Variants in DNAH10 observed in about 807,000 individuals in gnomAD.
The protein encoded by DNAH10 is dynein axonemal heavy chain 10, also known as axonemal beta dynein heavy chain 10.
A neutral mutation model predicts 506.6 loss-of-function variants in DNAH10; 348 were observed. That is an observed-to-expected ratio of 0.69 (90% CI 0.63 to 0.75). The LOEUF (loss-of-function observed/expected upper bound fraction) is 0.75, where lower values mean the gene tolerates loss of function less well. DNAH10 is among the 30% of genes least tolerant of loss of function. The pLI is 0.00. For synonymous variants in DNAH10, 2,059 were observed against 2,198.6 expected, an observed-to-expected ratio of 0.94 and a Z score of 1.78; for missense variants, 5,179 against 5,787.1, an observed-to-expected ratio of 0.89 and a Z score of 3.41.
At position 123,819,191 on chromosome 12, in the gene DNAH10, A is replaced by T; in HGVS notation, c.3941A>T (p.Glu1314Val). Residue 1314 changes from glutamate to valine, a missense_variant, in exon 23 of 79, where the codon GAG (glutamate) becomes GTG (valine). Glu to Val is a moderately radical substitution (Grantham distance 121). Around this residue, in one of 3 missense-constraint regions of DNAH10, gnomAD observed 4,844 missense variants for 5,430.5 expected, o/e 0.89. Coordinates refer to ENST00000673944, the MANE Select transcript of DNAH10 (RefSeq NM_001372106.1). ...EIMNYRVQIE[E>V]FAKRFYSEGP... The stretch of plus-strand genomic sequence containing the variant: ...ATGAACTACAGAGTTCAGATAGAGG[A>T]GTTTGCAAAGCGTTTTTACAGTGAA... 6.2e-7 allele frequency: 1 copy of T among 1,613,556 alleles called. No individual in the cohort carries two copies. Among genetic ancestry groups the T allele is most frequent in the Non-Finnish European group, 8.5e-7 (1 of 1,179,774 alleles).
intron 19 of DNAH10, among the ~76,000 whole-genome samples, chr12:123,811,454 C>T (rs1594087018): frequency 6.6e-6 from 1 of 151,960 alleles, no homozygotes; most frequent in Admixed American, 6.6e-5. Flanking sequence ...TCCCGAGTAG[C>T]TGGGACTACA....
At chr12:123,776,160 G>A (rs1957429778) in intron 5 of DNAH10, among the ~76,000 whole-genome samples, 1 of 152,046 alleles carries the variant, frequency 6.6e-6, no homozygotes, top group African/African-American at 2.4e-5. Context: ...GATTTGGGTG[G>A]GGACACGGCC....
intron 24 of DNAH10, among the ~76,000 whole-genome samples, chr12:123,824,341 G>A (rs1307168139): frequency 6.6e-6 from 1 of 152,160 alleles, no homozygotes; most frequent in Admixed American, 6.5e-5. Flanking sequence ...AGGGCAAGGT[G>A]ATGTCTGCTG....
At chr12:123,908,578 C>T (rs1953918567) in intron 57 of DNAH10, 1 of 456,102 alleles carries the variant, frequency 2.2e-6, no homozygotes, top group Non-Finnish European at 4.4e-6. Flanking sequence ...TCGGTTCCTT[C>T]TCTGGCCTTT....
intron 53 of DNAH10, among the ~76,000 whole-genome samples, 158 bp downstream of exon 53, chr12:123,893,594 C>T (rs913046612): frequency 1.3e-5 from 2 of 152,210 alleles, no homozygotes; most frequent in Non-Finnish European, 2.9e-5. Context: ...GGGCTCACTG[C>T]CCCTTCTAGG....
chr12:123,869,830 C>T (rs1051557772), intron 43 of DNAH10, among the ~76,000 whole-genome samples: 2 of 152,184 alleles, frequency 1.3e-5, no homozygotes, highest in Non-Finnish European at 2.9e-5. Context: ...ATGGCCTGAG[C>T]GGAGGCGATG....
At chr12:123,793,633 T>C (rs373839144) in intron 11 of DNAH10, among the ~76,000 whole-genome samples, 58 of 152,184 alleles carry the variant, frequency 3.8e-4, no homozygotes, top group African/African-American at 1.2e-3. Flanking sequence ...GCACTGCGCC[T>C]GGCCCTGCCT....
intron 27 of DNAH10, among the ~76,000 whole-genome samples, chr12:123,833,570 G>T (rs1960805726): frequency 6.6e-6 from 1 of 152,144 alleles, no homozygotes; most frequent in Non-Finnish European, 1.5e-5. Context: ...TCATTTCCAA[G>T]ATTCCTAATT....
At chr12:123,896,111 TCACACACACACACACA>T (rs112187635) in intron 54 of DNAH10, among the ~76,000 whole-genome samples, 521 of 48,852 alleles carry the variant, frequency 0.011, 4 homozygotes, top group African/African-American at 0.029. Flanking sequence ...AGACTTTATC[TCACACACACACACACA>T]CACACACACA....
At chr12:123,827,446 C>T (rs756696062) in intron 25 of DNAH10, among the ~76,000 whole-genome samples, 4 of 152,206 alleles carry the variant, frequency 2.6e-5, no homozygotes, top group African/African-American at 4.8e-5. Flanking sequence ...GGGCTTGCCC[C>T]GTTTCAAGTG....
intron 78 of DNAH10, 75 bp downstream of exon 78, chr12:123,934,841 C>A: frequency 1.3e-6 from 2 of 1,574,264 alleles, no homozygotes; most frequent in Non-Finnish European, 1.7e-6. Context: ...GAGGTGGTTT[C>A]CAACAGTCCT....
chr12:123,845,593 T>G lies in DNAH10; in HGVS notation c.5361-7T>G, dbSNP rs1229936182. ...CAGAGCCTCTTACAGGTGTGCGTTT[T>G]CTGCAGAGTCGACTGGATGCTCCTG... is the stretch of plus-strand genomic sequence containing the variant. On this transcript the variant is annotated splice_region_variant and splice_polypyrimidine_tract_variant and intron_variant, in intron 30 of 78. Coordinates refer to ENST00000673944, the MANE Select transcript of DNAH10 (RefSeq NM_001372106.1). 6.2e-7 allele frequency: 1 copy of G among 1,612,028 alleles called. No homozygotes were observed.
intron 26 of DNAH10, 89 bp downstream of exon 26, chr12:123,830,788 A>G: frequency 7.6e-7 from 1 of 1,315,656 alleles, no homozygotes; most frequent in Non-Finnish European, 1.0e-6. Flanking sequence ...ACTAAAAAAA[A>G]AAAAAAATTA....
At position 123,928,409 on chromosome 12, in the gene DNAH10, C is replaced by T. The variant is rs564644206; in HGVS notation, c.12128C>T (p.Thr4043Met). ...CAGGTGGCCCTGCAGCTGCTGGAGA[C>T]GGCGGTGGCTCGGGGGCAGTGGCTG... ...QEKVALQLLE[T>M]AVARGQWLML... The change falls in exon 70 of 79, where the codon ACG (threonine) becomes ATG (methionine). Residue 4043 changes from threonine to methionine, a missense_variant. Coordinates refer to ENST00000673944, the MANE Select transcript of DNAH10 (RefSeq NM_001372106.1). This position sits in a 1 kb window ranked among gnomAD's most constrained non-coding sequence, Gnocchi z 4.9. 1.9e-5 allele frequency: 30 copies of T among 1,604,106 alleles called. No individual in the cohort carries two copies. Among genetic ancestry groups the T allele is most frequent in the South Asian group, 4.5e-5 (4 of 89,070 alleles).
chr12:123,860,582 T>C (rs1951572796), intron 38 of DNAH10, among the ~76,000 whole-genome samples: 1 of 152,176 alleles, frequency 6.6e-6, no homozygotes, highest in Non-Finnish European at 1.5e-5. Context: ...AGAGCAGCTG[T>C]TGTTCTGTAG....
In DNAH10 at chr12:123,867,537, G is replaced by C. The variant is rs1416011801; in HGVS notation, c.7238G>C (p.Gly2413Ala). Reference protein sequence around the residue: ...VPYLMDVIVEGIVDGRQAEKL... With the variant: ...VPYLMDVIVEAIVDGRQAEKL... ...TATCTCATGGATGTGATAGTGGAAG[G>C]AATTGTGGATGGAAGACAAGCAGAA... Residue 2413 changes from glycine to alanine, a missense_variant, in exon 42 of 79, where the codon GGA (glycine) becomes GCA (alanine). Coordinates refer to ENST00000673944, the MANE Select transcript of DNAH10 (RefSeq NM_001372106.1). 2 of 1,613,856 alleles carry C rather than the reference G, an allele frequency of 1.2e-6. No homozygotes were observed. The highest frequency in any genetic ancestry group is 2.7e-5 in the African/African-American group (2 of 74,910).
intron 21 of DNAH10, among the ~76,000 whole-genome samples, chr12:123,815,067 A>G (rs967245585): frequency 1.3e-5 from 2 of 152,174 alleles, no homozygotes; most frequent in Non-Finnish European, 2.9e-5. Context: ...AACAACAACA[A>G]CAAAACAACA....
At chr12:123,831,153 A>C (rs1260464796) in intron 26 of DNAH10, among the ~76,000 whole-genome samples, 1 of 150,988 alleles carries the variant, frequency 6.6e-6, no homozygotes, top group Non-Finnish European at 1.5e-5. Flanking sequence ...AATAGATGTA[A>C]TGGATGTTCA....
At chr12:123,854,687 G>A (rs1355664559) in intron 36 of DNAH10, among the ~76,000 whole-genome samples, 1 of 152,198 alleles carries the variant, frequency 6.6e-6, no homozygotes, top group Non-Finnish European at 1.5e-5. Flanking sequence ...AGACTGCGAT[G>A]GTTTCTTCAC....
Sources: gnomAD v4.1 joint callset for allele counts (sites outside exome capture counted in the v4.1 genomes callset) on GRCh38, gnomAD v4.1.1 for gene constraint, gnomAD v4.1.1 regional missense constraint, Gnocchi (gnomAD v3.1) non-coding constraint, MANE v1.5 for transcripts, NCBI Gene and HGNC (gene_info 2026-07-23, HGNC 2026-07-21) for gene names.